PACS2: variants seen among roughly 807,000 people sequenced by gnomAD.
The protein encoded by PACS2 is phosphofurin acidic cluster sorting protein 2.
Under a neutral mutation model 113.0 loss-of-function variants are expected in PACS2, and 36 were observed. That is an observed-to-expected ratio of 0.32 (90% confidence interval 0.24 to 0.42). PACS2 has a LOEUF of 0.42. Among genes scored for constraint, PACS2 ranks in the 10% least tolerant of loss-of-function variants. The pLI, the probability that PACS2 is intolerant of heterozygous loss-of-function variation, is 1.00. For synonymous variants in PACS2, 589 were observed against 536.1 expected, an observed-to-expected ratio of 1.10 and a Z score of -1.36; for missense variants, 1,015 against 1,239.5, an observed-to-expected ratio of 0.82 and a Z score of 2.72.
chr14:105,333,201 C>G (rs1053969609), intron 1 of PACS2, among the ~76,000 whole-genome samples: 1 of 152,252 alleles, frequency 6.6e-6, no homozygotes, highest in Non-Finnish European at 1.5e-5. Flanking sequence ...GTCCCCACCC[C>G]CTCCTGCTGC....
rs1476260575 is a variant in PACS2, at chr14:105,314,965, T to C, written c.47T>C (p.Leu16Pro). The change falls in exon 1 of 25, where the codon CTC (leucine) becomes CCC (proline). Residue 16 changes from leucine to proline, a missense_variant. Physicochemically the swap from Leu to Pro is moderately conservative, Grantham distance 98. Around this residue, in one of 3 missense-constraint regions of PACS2, gnomAD observed 140 missense variants for 135.1 expected, o/e 1.04. Coordinates refer to ENST00000447393, the MANE Select transcript of PACS2 (RefSeq NM_001100913.3). ...RLGLPGAPGALNTPVPMNLFA... is the reference protein window; with the variant it reads ...RLGLPGAPGAPNTPVPMNLFA... ...GGCCTCCCCGGCGCGCCCGGCGCGC[T>C]CAACACGCCCGTGCCCATGAACCTG... 3 of 1,203,872 alleles carry C rather than the reference T, an allele frequency of 2.5e-6. No homozygotes were observed. The highest frequency in any genetic ancestry group is 1.6e-5 in the African/African-American group (1 of 60,728). 74.6% of individuals were successfully genotyped at this position (1,203,872 alleles called of 1,614,324 possible).
In PACS2 at chr14:105,397,887, G is replaced by T. The variant is rs1319054755; in HGVS notation, c.*3215G>T. The T allele has an allele frequency of 6.6e-6, 1 of 152,242 alleles. No homozygotes were observed. Among genetic ancestry groups the T allele is most frequent in the Non-Finnish European group, 1.5e-5 (1 of 68,068 alleles). 9.4% of individuals were successfully genotyped at this position (152,242 alleles called of 1,614,324 possible). On this transcript the variant is annotated 3_prime_UTR_variant, in exon 25 of 25. Transcript: ENST00000447393. ...CCGTCCGCGGGTGTGTGGCCTGTAG[G>T]GGACTGAGAGCTGGGCTTGCTGGGC... is the stretch of plus-strand genomic sequence containing the variant.
At chr14:105,349,395 T>C (rs587643300) in intron 2 of PACS2, among the ~76,000 whole-genome samples, 1 of 152,336 alleles carries the variant, frequency 6.6e-6, no homozygotes, top group Non-Finnish European at 1.5e-5. Flanking sequence ...GCTGTTGTGC[T>C]CCTGACCCCA....
At chr14:105,333,190 A>C (rs1469146861) in intron 1 of PACS2, among the ~76,000 whole-genome samples, 1 of 152,090 alleles carries the variant, frequency 6.6e-6, no homozygotes, top group East Asian at 1.9e-4. Flanking sequence ...GTTCCCTACC[A>C]GTCCCCACCC....
intron 1 of PACS2, among the ~76,000 whole-genome samples, chr14:105,328,939 G>A (rs915667559): frequency 5.9e-5 from 9 of 152,362 alleles, no homozygotes; most frequent in East Asian, 1.9e-4. Context: ...GAGGTCAATT[G>A]TAATTCGGAG....
intron 7 of PACS2, 70 bp downstream of exon 7, chr14:105,368,609 T>TG (rs1266106700): frequency 2.7e-5 from 32 of 1,195,164 alleles, no homozygotes; most frequent in African/African-American, 4.5e-5. Context: ...AGCCTGGGCG[T>TG]GGGGGGGACA....
intron 4 of PACS2, among the ~76,000 whole-genome samples, chr14:105,362,212 A>G (rs587626156): frequency 8.0e-4 from 121 of 151,624 alleles, no homozygotes; most frequent in African/African-American, 2.9e-3. Flanking sequence ...AGGTCAGGAG[A>G]TCAAGACCAT....
At chr14:105,391,064 A>C in intron 20 of PACS2, 143 bp from the exon 21 acceptor site, 1 of 673,084 alleles carries the variant, frequency 1.5e-6, no homozygotes, top group South Asian at 1.7e-5. Flanking sequence ...TGGGGAGAGA[A>C]GGGCAGGAGG....
chr14:105,364,467 T>TCCCGGGTGCGCGGTGGGCGGCGA (rs2060871502), intron 4 of PACS2, among the ~76,000 whole-genome samples: 1 of 74,408 alleles, frequency 1.3e-5, no homozygotes, highest in African/African-American at 5.8e-5. Flanking sequence ...GTGGGCGGCG[T>TCCCGGGTGCGCGGTGGGCGGCGA]CCCGGGTGCG....
At position 105,396,492 on chromosome 14, in the gene PACS2, C is replaced by CGTTTCTTTTTTTTTTTTTTTTTTT. The variant is rs2081532115; in HGVS notation, c.*1820_*1821insGTTTCTTTTTTTTTTTTTTTTTTT. On this transcript the variant is annotated 3_prime_UTR_variant, in exon 25 of 25. Coordinates refer to ENST00000447393, the MANE Select transcript of PACS2 (RefSeq NM_001100913.3). ...CATCTGTTTTTCTGCTCTCCAGTTT[C>CGTTTCTTTTTTTTTTTTTTTTTTT]TTTTCTTTTTTTTTTTTTTTTTTTT... The CGTTTCTTTTTTTTTTTTTTTTTTT allele has an allele frequency of 7.2e-6, 1 of 139,304 alleles. No individual in the cohort carries two copies. The allele number at this position is 139,304 out of a possible 1,614,324, so 8.6% of individuals were successfully genotyped here.
At chr14:105,383,637 T>C in intron 16 of PACS2, 124 bp downstream of exon 16, 1 of 827,622 alleles carries the variant, frequency 1.2e-6, no homozygotes, top group Non-Finnish European at 1.8e-6. Flanking sequence ...TGTCGTGGTG[T>C]GGCGCGGTGT....
chr14:105,362,525 A>G (rs1397938860), intron 4 of PACS2, among the ~76,000 whole-genome samples: 3 of 151,976 alleles, frequency 2.0e-5, no homozygotes, highest in African/African-American at 7.3e-5. Context: ...TGGCAGCTAT[A>G]GCCTTATGAA....
chr14:105,334,060 G>GGGGCCT (rs1430968945), intron 1 of PACS2, among the ~76,000 whole-genome samples: 4 of 152,246 alleles, frequency 2.6e-5, no homozygotes, highest in African/African-American at 9.6e-5. Flanking sequence ...TGGGGTGTCG[G>GGGGCCT]GGGCCTGGGC....
intron 1 of PACS2, among the ~76,000 whole-genome samples, chr14:105,321,447 T>G (rs1295566964): frequency 6.6e-6 from 1 of 152,084 alleles, no homozygotes; most frequent in East Asian, 1.9e-4. Context: ...ACTGTAGCCT[T>G]GAACTCCCAG....
In PACS2 at chr14:105,392,700, C is replaced by T. The variant is rs782540445; in HGVS notation, c.2337C>T (p.Ala779=). The T allele has an allele frequency of 1.4e-5, 22 of 1,612,692 alleles. No individual in the cohort carries two copies. Among genetic ancestry groups the T allele is most frequent in the Middle Eastern group, 1.6e-4 (1 of 6,084 alleles). Residue 779 remains alanine, a synonymous_variant, in exon 23 of 25, where the codon GCC becomes GCT. Transcript: ENST00000447393. The part of the protein sequence containing the change: ...AAQPADRKRD[A]EKKDLPVTKN... ...AGCCTGCGGACAGGAAGAGGGACGC[C>T]GAGAAGAAGGACCTGCCTGTCACCA...
chr14:105,352,259 C>G (rs1483769414), intron 2 of PACS2, 119 bp from the exon 3 acceptor site: 1 of 708,832 alleles, frequency 1.4e-6, no homozygotes, highest in Non-Finnish European at 2.6e-6. Flanking sequence ...GTGCCTACCA[C>G]CCCCAGACTG....
chr14:105,351,330 C>G (rs2060170141), intron 2 of PACS2, among the ~76,000 whole-genome samples: 1 of 152,206 alleles, frequency 6.6e-6, no homozygotes, highest in Admixed American at 6.5e-5. Flanking sequence ...ACGCAAATGA[C>G]TCGTTATCCA....
chr14:105,310,358 G>A (rs1222364481), upstream of PACS2, among the ~76,000 whole-genome samples: 2 of 151,158 alleles, frequency 1.3e-5, no homozygotes, highest in South Asian at 2.1e-4. Flanking sequence ...GTGAAACCCC[G>A]TCTCTAATAA....
At chr14:105,359,235 C>G (rs1302580223) in intron 4 of PACS2, among the ~76,000 whole-genome samples, 4 of 152,190 alleles carry the variant, frequency 2.6e-5, no homozygotes, top group Admixed American at 2.6e-4. Flanking sequence ...CCCGCAGGCT[C>G]TGCCATCGTC....
Sources: allele counts gnomAD v4.1 joint callset (sites outside exome capture counted in the v4.1 genomes callset), GRCh38; gene constraint gnomAD v4.1.1; regional missense constraint gnomAD v4.1.1; transcripts MANE v1.5; gene names NCBI Gene and HGNC (gene_info 2026-07-23, HGNC 2026-07-21).